Variants in SULT1C3 observed in about 807,000 individuals in gnomAD.
SULT1C3 encodes sulfotransferase family 1C member 3.
In SULT1C3, 31 loss-of-function variants were observed where a neutral mutation model predicts 28.4. The observed-to-expected ratio is 1.09, with a 90% CI of 0.82 to 1.47. The LOEUF (loss-of-function observed/expected upper bound fraction) is 1.47. Ranked by LOEUF, SULT1C3 falls within the 40% of genes most tolerant of loss-of-function variation. The pLI is 0.00. For missense variants in SULT1C3, 307 were observed against 272.5 expected, an observed-to-expected ratio of 1.13 and a Z score of -0.89; for synonymous variants, 106 against 92.2, an observed-to-expected ratio of 1.15 and a Z score of -0.86.
In SULT1C3 at chr2:108,248,360, TG is replaced by T. The variant is rs1359161789; in HGVS notation, c.172+996del. Among the ~76,000 whole-genome samples the T allele has an allele frequency of 2.0e-5, 3 of 152,264 alleles. No individual in the cohort carries two copies. The East Asian group carries it at 5.8e-4, about 29-fold the overall frequency. On this transcript the variant is annotated intron_variant, in intron 2 of 7. Coordinates refer to ENST00000681802, the MANE Select transcript of SULT1C3 (RefSeq NM_001320878.2). Reference sequence around the variant, plus strand: ...AACTGGATAAAATATATGAAACCACTGGTTTCTGACCTTGGATGACAGTTGT... The same window carrying T: ...AACTGGATAAAATATATGAAACCACTGTTTCTGACCTTGGATGACAGTTGT...
chr2:108,252,912 G>A (rs4676033), intron 3 of SULT1C3, among the ~76,000 whole-genome samples: 40,400 of 151,824 alleles, frequency 0.27, 6,329 homozygotes, highest in East Asian at 0.73. Flanking sequence ...TGGGGGAGCT[G>A]AAAAGGTTTC....
intron 5 of SULT1C3, among the ~76,000 whole-genome samples, chr2:108,256,926 C>T (rs1251792220): frequency 2.6e-5 from 4 of 151,924 alleles, no homozygotes; most frequent in Non-Finnish European, 5.9e-5. Context: ...AATATTTATG[C>T]AGAGAAGTTT....
At chr2:108,261,478 A>G (rs1261078687), downstream of SULT1C3, among the ~76,000 whole-genome samples, 1 of 152,130 alleles carries the variant, frequency 6.6e-6, no homozygotes, top group African/African-American at 2.4e-5. Context: ...CTCAGATTTA[A>G]TATAAATTTA....
chr2:108,264,944 C>A (rs1032625439), downstream of SULT1C3: 6 of 1,613,934 alleles, frequency 3.7e-6, no homozygotes, highest in Non-Finnish European at 8.5e-7. Context: ...ACCCAATGAC[C>A]AACTATACCA....
intron 1 of SULT1C3, among the ~76,000 whole-genome samples, chr2:108,246,975 T>C (rs1675596871): frequency 6.6e-6 from 1 of 152,166 alleles, no homozygotes; most frequent in South Asian, 2.1e-4. Context: ...AGTTTCCACA[T>C]GTAGAAAACA....
downstream of SULT1C3, chr2:108,264,860 C>T (rs150872787): frequency 6.2e-7 from 1 of 1,612,866 alleles, no homozygotes; most frequent in Non-Finnish European, 8.5e-7. Context: ...TACTGAAGTT[C>T]CTGGAAAAAG....
chr2:108,251,066 C>A (rs1451866348), intron 2 of SULT1C3, among the ~76,000 whole-genome samples: 1 of 151,790 alleles, frequency 6.6e-6, no homozygotes, highest in Non-Finnish European at 1.5e-5. Context: ...AAACGTGATT[C>A]CATAATGATG....
At chr2:108,247,548 A>G (rs1675619104) in intron 2 of SULT1C3, among the ~76,000 whole-genome samples, 182 bp downstream of exon 2, 2 of 152,066 alleles carry the variant, frequency 1.3e-5, no homozygotes, top group Non-Finnish European at 2.9e-5. Flanking sequence ...TTCCAATAGC[A>G]CTCTCTGAAG....
At chr2:108,251,706 T>C (rs909784388) in intron 2 of SULT1C3, among the ~76,000 whole-genome samples, 1 of 151,840 alleles carries the variant, frequency 6.6e-6, no homozygotes, top group Non-Finnish European at 1.5e-5. Flanking sequence ...CAAAAACCAA[T>C]GTCAAAGAAC....
intron 1 of SULT1C3, among the ~76,000 whole-genome samples, chr2:108,240,875 AC>A (rs958996305): frequency 6.6e-6 from 1 of 152,382 alleles, no homozygotes; most frequent in African/African-American, 2.4e-5. Flanking sequence ...ATAGTCTTAT[AC>A]TTGGCCTGAT....
At chr2:108,249,588 G>A (rs1007934921) in intron 2 of SULT1C3, among the ~76,000 whole-genome samples, 1 of 151,980 alleles carries the variant, frequency 6.6e-6, no homozygotes, top group African/African-American at 2.4e-5. Flanking sequence ...TGATTTGAAA[G>A]TGAAAACACT....
chr2:108,261,115 C>A (rs192841743), downstream of SULT1C3, among the ~76,000 whole-genome samples: 8 of 152,000 alleles, frequency 5.3e-5, no homozygotes, highest in Admixed American at 1.3e-4. Context: ...ATAATAACTT[C>A]CAAGAGAAAA....
chr2:108,246,715 G>A (rs1398996588), intron 1 of SULT1C3, among the ~76,000 whole-genome samples: 6 of 152,098 alleles, frequency 3.9e-5, no homozygotes, highest in Non-Finnish European at 5.9e-5. Context: ...AGAAAATTGA[G>A]TATAGAATGC....
intron 2 of SULT1C3, 92 bp from the exon 3 acceptor site, chr2:108,252,273 C>T: frequency 3.2e-6 from 4 of 1,250,502 alleles, no homozygotes; most frequent in Non-Finnish European, 4.4e-6. Context: ...TTTTAAAGTG[C>T]TCTCATGTTG....
chr2:108,251,580 C>T (rs1675726205), intron 2 of SULT1C3, among the ~76,000 whole-genome samples: 1 of 151,914 alleles, frequency 6.6e-6, no homozygotes, highest in African/African-American at 2.4e-5. Flanking sequence ...CTAATCAAGA[C>T]CTGGATTCCA....
chr2:108,251,941 C>T (rs938235509), intron 2 of SULT1C3, among the ~76,000 whole-genome samples: 1 of 151,806 alleles, frequency 6.6e-6, no homozygotes, highest in African/African-American at 2.4e-5. Flanking sequence ...AAGAGAATGT[C>T]ATATTGGAAG....
Position 108,258,793 on chromosome 2 carries a change from C to A in SULT1C3, c.586C>A (p.Arg196=), listed in dbSNP as rs375489306. The stretch of plus-strand genomic sequence containing the variant: ...ATGGTGGGCTGCAAAAGACATGCAC[C>A]GGATCCTCTACCTCTTCTACGAGGA... ...KGWWAAKDMH[R]ILYLFYEDIK... Residue 196 remains arginine (R), a synonymous_variant, in exon 6 of 8, where the codon CGG becomes AGG. Coordinates refer to ENST00000681802, the MANE Select transcript of SULT1C3 (RefSeq NM_001320878.2). The A allele has an allele frequency of 6.2e-7, 1 of 1,612,754 alleles. No homozygotes were observed.
At chr2:108,254,713 G>GTATGTATATA (rs1490285860) in intron 4 of SULT1C3, among the ~76,000 whole-genome samples, 1 of 149,936 alleles carries the variant, frequency 6.7e-6, no homozygotes, top group Non-Finnish European at 1.5e-5. Context: ...ATATATATAT[G>GTATGTATATA]TATGTATATA....
At chr2:108,242,371 A>G (rs902651643) in intron 1 of SULT1C3, among the ~76,000 whole-genome samples, 1 of 152,204 alleles carries the variant, frequency 6.6e-6, no homozygotes, top group Non-Finnish European at 1.5e-5. Context: ...TTTTAATTGG[A>G]TTACTGGCTT....
Sources: gnomAD v4.1 joint callset for allele counts (sites outside exome capture counted in the v4.1 genomes callset) on GRCh38, gnomAD v4.1.1 for gene constraint, MANE v1.5 for transcripts, NCBI Gene and HGNC (gene_info 2026-07-23, HGNC 2026-07-21) for gene names.